The following DAGLB variants were observed in gnomAD, a reference collection of about 807,000 sequenced individuals.
The protein encoded by DAGLB is diacylglycerol lipase beta.
DAGLB carries 66 observed loss-of-function variants against 72.1 expected under a neutral mutation model. The ratio of observed to expected loss-of-function variants is 0.92; its 90% CI spans 0.75 to 1.12. DAGLB has a LOEUF of 1.12. Among genes scored for constraint, DAGLB ranks in the 50% most tolerant of loss-of-function variants. The probability of loss-of-function intolerance (pLI) is 0.00; values close to 1 mark genes in which losing one functional copy is unlikely to be tolerated. For missense variants in DAGLB, 1,065 were observed against 884.9 expected (o/e 1.20, Z -2.58); for synonymous variants, 414 against 359.5 (o/e 1.15, Z -1.71).
intron 9 of DAGLB, among the ~76,000 whole-genome samples, chr7:6,420,105 C>T (rs1784062392): frequency 1.3e-5 from 2 of 152,124 alleles, no homozygotes; most frequent in Non-Finnish European, 2.9e-5. Flanking sequence ...TATGATCACA[C>T]CACTGCACTC....
chr7:6,416,724 G>A lies in DAGLB; in HGVS notation c.1330C>T (p.Leu444Phe). Residue 444 changes from leucine (L) to phenylalanine (F), a missense_variant, in exon 11 of 15, where the codon CTC (leucine) becomes TTC (phenylalanine). Coordinates refer to ENST00000297056, the MANE Select transcript of DAGLB (RefSeq NM_139179.4). ...AGCAGGGCGGCCGCCCCGCCCCCGA[G>A]GCTGTGGCCCACTATGACCAGCCGG... ...EYRLVIVGHS[L>F]GGGAAALLAT... 6.2e-7 allele frequency: 1 copy of A among 1,613,712 alleles called. No homozygotes were observed. Among genetic ancestry groups the A allele is most frequent in the Non-Finnish European group, 8.5e-7 (1 of 1,179,846 alleles).
intron 2 of DAGLB, among the ~76,000 whole-genome samples, chr7:6,444,040 G>A (rs1191785241): frequency 6.6e-6 from 1 of 152,148 alleles, no homozygotes; most frequent in Non-Finnish European, 1.5e-5. Flanking sequence ...ACCGAGACGA[G>A]AGGATCACCT....
chr7:6,424,692 G>T, intron 8 of DAGLB, 60 bp downstream of exon 8: 1 of 1,534,502 alleles, frequency 6.5e-7, no homozygotes, highest in Non-Finnish European at 9.0e-7. Context: ...CAGCCGAGCA[G>T]CTGTGGGCTC....
At chr7:6,426,405 G>T (rs537247148) in intron 6 of DAGLB, among the ~76,000 whole-genome samples, 9 of 152,328 alleles carry the variant, frequency 5.9e-5, no homozygotes, top group Non-Finnish European at 1.0e-4. Context: ...GAGTAGCTGG[G>T]ATTACATGCG....
rs187477639 is a variant in DAGLB, at chr7:6,421,966, A to G, written c.1141-162T>C. The G allele has an allele frequency of 4.9e-4, 390 of 803,166 alleles. 2 individuals carry two copies. Among genetic ancestry groups the G allele is most frequent in the Middle Eastern group, 2.9e-3 (13 of 4,428 alleles). The allele number at this position is 803,166 out of a possible 1,614,324, so 49.8% of individuals were successfully genotyped here. On this transcript the variant is annotated intron_variant, in intron 8 of 14. Coordinates refer to ENST00000297056, the MANE Select transcript of DAGLB (RefSeq NM_139179.4). ...AACCCTAAACTAAAGAGGGAAACCCAGCGGTGGCTCCTGAGGGCCCTGATG... is the reference window on the plus strand; with the variant it reads ...AACCCTAAACTAAAGAGGGAAACCCGGCGGTGGCTCCTGAGGGCCCTGATG...
At chr7:6,430,259 A>G (rs1438664175) in intron 6 of DAGLB, among the ~76,000 whole-genome samples, 1 of 104,758 alleles carries the variant, frequency 9.5e-6, no homozygotes, top group East Asian at 6.2e-4. Flanking sequence ...GCATATATAT[A>G]TATATATATA....
intron 6 of DAGLB, among the ~76,000 whole-genome samples, chr7:6,430,035 C>T (rs1784429684): frequency 6.7e-6 from 1 of 149,728 alleles, no homozygotes; most frequent in Non-Finnish European, 1.5e-5. Context: ...CAGAGTGAAA[C>T]TCCATCTCAA....
In DAGLB at chr7:6,439,824, G is replaced by A. The variant is rs1257474366; in HGVS notation, c.248-3291C>T. ...CCGAGCAATTTGGGAGGGCAAGGCG[G>A]GTGGATCACCTGAGGTCAGGAGTTC... On this transcript the variant is annotated intron_variant, in intron 2 of 14. Coordinates refer to ENST00000297056, the MANE Select transcript of DAGLB (RefSeq NM_139179.4). Among the ~76,000 whole-genome samples, 3 of 152,156 alleles carry A rather than the reference G, an allele frequency of 2.0e-5. No homozygotes were observed. The East Asian group carries it at 5.8e-4, about 29-fold the overall frequency.
intron 11 of DAGLB, among the ~76,000 whole-genome samples, 156 bp from the exon 12 acceptor site, chr7:6,413,190 G>C (rs1412557506): frequency 1.3e-5 from 2 of 152,164 alleles, no homozygotes; most frequent in African/African-American, 4.8e-5. Context: ...GTCAGTTATG[G>C]CAACTCACTG....
rs534126787 is a variant in DAGLB at position 6,425,142 on chromosome 7, A to G, written c.1057-307T>C. Among the ~76,000 whole-genome samples, 3 of 152,348 alleles carry G rather than the reference A, an allele frequency of 2.0e-5. No individual in the cohort carries two copies. In the East Asian group the frequency reaches 5.8e-4, roughly 29 times the overall value. ...ACCTCAGCAGTGTTAAAAGCTCCTC[A>G]AGAGGTTCTACTGGGCAGCAAAGTG... On this transcript the variant is annotated intron_variant, in intron 7 of 14. Coordinates refer to ENST00000297056, the MANE Select transcript of DAGLB (RefSeq NM_139179.4).
chr7:6,425,290 G>A (rs1057167762), intron 7 of DAGLB, among the ~76,000 whole-genome samples: 1 of 150,344 alleles, frequency 6.7e-6, no homozygotes, highest in African/African-American at 2.4e-5. Context: ...TTTTTTTTTT[G>A]AGATGGCATC....
At chr7:6,412,772 C>G in intron 13 of DAGLB, 39 bp downstream of exon 13, 2 of 1,556,430 alleles carry the variant, frequency 1.3e-6, no homozygotes, top group Admixed American at 1.9e-5. Flanking sequence ...GGGACAGGCC[C>G]CGTGTCCTGC....
rs1783776984 is a variant in DAGLB at position 6,412,883 on chromosome 7, C to A, written c.1497G>T (p.Arg499Ser). The A allele has an allele frequency of 6.2e-7, 1 of 1,609,802 alleles. No individual in the cohort carries two copies. The highest frequency in any genetic ancestry group is 8.5e-7 in the Non-Finnish European group (1 of 1,177,844). ...SLVLGKDVIP[R>S]LSVTNLEDLK... is the part of the protein sequence containing the mutation. Reference sequence around the variant, plus strand: ...GATCTTCCAAGTTGGTCACACTGAGCCTGTTTAGCAAAGGGGCACACTGAG... The same window carrying A: ...GATCTTCCAAGTTGGTCACACTGAGACTGTTTAGCAAAGGGGCACACTGAG... Residue 499 changes from arginine (R) to serine (S), a missense_variant and splice_region_variant, in exon 13 of 15, where the codon AGG (arginine) becomes AGT (serine). Transcript: ENST00000297056.
At chr7:6,411,110 G>A (rs565416845) in intron 13 of DAGLB, among the ~76,000 whole-genome samples, 99 of 151,714 alleles carry the variant, frequency 6.5e-4, no homozygotes, top group African/African-American at 2.3e-3. Flanking sequence ...CTGACCTCGT[G>A]ATCCACCCGC....
chr7:6,445,523 G>A (rs1478199393), intron 2 of DAGLB, among the ~76,000 whole-genome samples: 3 of 152,092 alleles, frequency 2.0e-5, no homozygotes, highest in East Asian at 1.9e-4. Context: ...CTTTCTTTCC[G>A]TTTTGTGACA....
At chr7:6,432,797 G>A (rs202195234) in intron 5 of DAGLB, 40 bp downstream of exon 5, 2 of 1,596,446 alleles carry the variant, frequency 1.3e-6, no homozygotes, top group Non-Finnish European at 1.7e-6. Context: ...ACCAAAAGGT[G>A]TAAGTGTCAG....
intron 6 of DAGLB, 114 bp from the exon 7 acceptor site, chr7:6,426,228 GAC>G: frequency 6.8e-7 from 1 of 1,464,784 alleles, no homozygotes; most frequent in Non-Finnish European, 9.3e-7. Flanking sequence ...CAATTCTCAG[GAC>G]TTAGCCTGGC....
In DAGLB at chr7:6,447,781, G is replaced by A. The variant is rs1383163458; in HGVS notation, c.62C>T (p.Pro21Leu). Reference protein sequence around the residue: ...WAIASDDLVFPGFFELVVRVL... With the variant: ...WAIASDDLVFLGFFELVVRVL... The stretch of plus-strand genomic sequence containing the variant: ...TCGCACGACCAGCTCGAAGAACCCT[G>A]GGAAGACCAAGTCGTCGCTGGCGAT... The change falls in exon 1 of 15, where the codon CCA becomes CTA. Residue 21 changes from proline to leucine, a missense_variant. By Grantham distance (98) the Pro-to-Leu change is moderately conservative (BLOSUM62 -3). Coordinates refer to ENST00000297056, the MANE Select transcript of DAGLB (RefSeq NM_139179.4). 2 of 1,613,638 alleles carry A rather than the reference G, an allele frequency of 1.2e-6. No homozygotes were observed. The highest frequency in any genetic ancestry group is 1.6e-4 in the Middle Eastern group (1 of 6,062).
chr7:6,445,813 G>A, intron 2 of DAGLB, 140 bp downstream of exon 2: 1 of 943,750 alleles, frequency 1.1e-6, no homozygotes, highest in Non-Finnish European at 1.5e-6. Context: ...ACTTGATGAT[G>A]GTGATGGCTG....
Sources: allele counts gnomAD v4.1 joint callset (sites outside exome capture counted in the v4.1 genomes callset), GRCh38; gene constraint gnomAD v4.1.1; transcripts MANE v1.5; gene names NCBI Gene and HGNC (gene_info 2026-07-23, HGNC 2026-07-21).